Variants in OVGP1 observed in about 807,000 individuals in gnomAD.
The protein encoded by OVGP1 is oviduct-specific glycoprotein.
Under a neutral mutation model 48.2 loss-of-function variants are expected in OVGP1, and 26 were observed. The observed-to-expected ratio is 0.54, with a 90% CI of 0.40 to 0.75. The LOEUF is 0.75. Among genes scored for constraint, OVGP1 ranks in the 30% least tolerant of loss-of-function variants. OVGP1 has a pLI of 0.00. For synonymous variants in OVGP1, 294 were observed against 305.7 expected (o/e 0.96, Z 0.40); for missense variants, 791 against 820.6 (o/e 0.96, Z 0.44).
intron 3 of OVGP1, 157 bp from the exon 4 acceptor site, chr1:111,425,596 G>A: frequency 7.4e-7 from 1 of 1,344,944 alleles, no homozygotes; most frequent in Non-Finnish European, 1.0e-6. Context: ...GGAGAGAGAT[G>A]ATGAGCACAG....
Position 111,415,033 on chromosome 1 carries a change from C to A in OVGP1, c.1468G>T (p.Gly490Ter). 1.2e-6 allele frequency: 2 copies of A among 1,613,872 alleles called. No individual in the cohort carries two copies. Among genetic ancestry groups the A allele is most frequent in the Non-Finnish European group, 1.7e-6 (2 of 1,179,754 alleles). Residue 490 changes from glycine to a stop codon, truncating the protein, a stop_gained, in exon 11 of 11, where the codon GGA becomes TGA. Coordinates refer to ENST00000369732, the MANE Select transcript of OVGP1 (RefSeq NM_002557.4). LOFTEE classifies it low-confidence loss of function (END_TRUNC). ...TSVGHQSMTPGEKALTPVGHQ... is the reference protein window; with the variant it reads ...TSVGHQSMTP Reference sequence around the variant, plus strand: ...CCCACAGGGGTCAGGGCCTTCTCTCCAGGGGTCATGGACTGATGACCCACA... The same window carrying A: ...CCCACAGGGGTCAGGGCCTTCTCTCAAGGGGTCATGGACTGATGACCCACA...
intron 9 of OVGP1, among the ~76,000 whole-genome samples, chr1:111,418,698 T>G (rs946034266): frequency 6.6e-6 from 1 of 152,254 alleles, no homozygotes; most frequent in Non-Finnish European, 1.5e-5. Context: ...TATCTCATGC[T>G]TGGACACCTC....
rs944589752 is a variant in OVGP1 at position 111,414,411 on chromosome 1, G to A, written c.*53C>T. On this transcript the variant is annotated 3_prime_UTR_variant, in exon 11 of 11. Coordinates refer to ENST00000369732, the MANE Select transcript of OVGP1 (RefSeq NM_002557.4). ...CCCGGGATGAGAAGGCTTCCAACAT[G>A]TCACTTAGAAGAAAAGACAAGGGTT... 5 of 1,496,434 alleles carry A rather than the reference G, an allele frequency of 3.3e-6. No individual in the cohort carries two copies. The highest frequency in any genetic ancestry group is 4.5e-6 in the Non-Finnish European group (5 of 1,108,528). The allele number at this position is 1,496,434 out of a possible 1,614,324, so 92.7% of individuals were successfully genotyped here. A position where few individuals can be genotyped will look rare whatever the true frequency, so the allele number is the denominator to read the frequency against.
intron 5 of OVGP1, 90 bp downstream of exon 5, chr1:111,423,453 G>T: frequency 7.3e-7 from 1 of 1,360,926 alleles, no homozygotes; most frequent in Non-Finnish European, 1.0e-6. Flanking sequence ...TCTGCCCCTG[G>T]CCCTGGACTT....
chr1:111,415,206 AC>A lies in OVGP1; in HGVS notation c.1294del (p.Val432SerfsTer11). The A allele has an allele frequency of 1.2e-6, 2 of 1,614,068 alleles. No individual in the cohort carries two copies. The highest frequency in any genetic ancestry group is 1.7e-6 in the Non-Finnish European group (2 of 1,180,008). On this transcript the variant is annotated frameshift_variant, in exon 11 of 11. Coordinates refer to ENST00000369732, the MANE Select transcript of OVGP1 (RefSeq NM_002557.4). LOFTEE classifies it low-confidence loss of function (END_TRUNC). ...TTCACACTTTCCGTGGATCTCAGTG[AC>A]CCCAGCCTCTCCTCCTGGGGGCAAA... Reference protein sequence around the residue: ...KILPPGGEAGVTEIHGKCENM... With the variant: ...KILPPGGEAGXTEIHGKCENM...
intron 4 of OVGP1, 152 bp from the exon 5 acceptor site, chr1:111,423,860 T>G: frequency 1.4e-6 from 1 of 697,172 alleles, no homozygotes; most frequent in East Asian, 2.7e-5. Context: ...CACCTTCTTA[T>G]ATGCCTCTCC....
intron 9 of OVGP1, among the ~76,000 whole-genome samples, chr1:111,417,189 T>A (rs1333275836): frequency 6.6e-6 from 1 of 152,272 alleles, no homozygotes; most frequent in Non-Finnish European, 1.5e-5. Flanking sequence ...ACCTCATTAA[T>A]CACCATTATT....
In OVGP1 at chr1:111,414,902, G is replaced by GCTCACA. The variant is rs776545457; in HGVS notation, c.1598_1599insTGTGAG (p.Thr533_Pro534insValSer). Reference sequence around the variant, plus strand: ...GGCTCACAGACTGATGACTCACAGGGGTCACAGACTGATGACCCACAGGGG... The same window carrying GCTCACA: ...GGCTCACAGACTGATGACTCACAGGGCTCACAGTCACAGACTGATGACCCACAGGGG... On this transcript the variant is annotated inframe_insertion, in exon 11 of 11. Coordinates refer to ENST00000369732, the MANE Select transcript of OVGP1 (RefSeq NM_002557.4). 7 of 754,654 alleles carry GCTCACA rather than the reference G, an allele frequency of 9.3e-6. No individual in the cohort carries two copies. In the African/African-American group the frequency reaches 2.2e-4, roughly 24 times the overall value. The allele number at this position is 754,654 out of a possible 1,614,324, so 46.7% of individuals were successfully genotyped here. A position where few individuals can be genotyped will look rare whatever the true frequency, so the allele number is the denominator to read the frequency against.
chr1:111,414,823 T>A lies in OVGP1; in HGVS notation c.1678A>T (p.Asn560Tyr), dbSNP rs766008241. 6.3e-7 allele frequency: 1 copy of A among 1,596,238 alleles called. No homozygotes were observed. Among genetic ancestry groups the A allele is most frequent in the Non-Finnish European group, 8.6e-7 (1 of 1,168,554 alleles). The stretch of plus-strand genomic sequence containing the variant: ...GCCTTCCTTCTAGGGGCCACTGTAT[T>A]CTGTCTAAGGGTCTCAGTCTGAAAA... ...VHFQTETLRQ[N>Y]TVAPRRKAVA... The change falls in exon 11 of 11, where the codon AAT becomes TAT. Residue 560 changes from asparagine (N) to tyrosine (Y), a missense_variant. Physicochemically the swap from Asn to Tyr is moderately radical, Grantham distance 143. Transcript: ENST00000369732.
chr1:111,415,179 T>C lies in OVGP1; in HGVS notation c.1322A>G (p.Asn441Ser). Reference protein sequence around the residue: ...GVTEIHGKCENMTITPRGTTV... With the variant: ...GVTEIHGKCESMTITPRGTTV... Reference sequence around the variant, plus strand: ...TGTACCTCTAGGGGTTATAGTCATATTTTCACACTTTCCGTGGATCTCAGT... The same window carrying C: ...TGTACCTCTAGGGGTTATAGTCATACTTTCACACTTTCCGTGGATCTCAGT... The change falls in exon 11 of 11, where the codon AAT (asparagine) becomes AGT (serine). Residue 441 changes from asparagine to serine, a missense_variant. Asn to Ser is a conservative substitution (Grantham distance 46). Coordinates refer to ENST00000369732, the MANE Select transcript of OVGP1 (RefSeq NM_002557.4). 6.2e-7 allele frequency: 1 copy of C among 1,614,172 alleles called. No homozygotes were observed. The highest frequency in any genetic ancestry group is 2.2e-5 in the East Asian group (1 of 44,878).
chr1:111,421,243 T>TA, intron 8 of OVGP1, 33 bp downstream of exon 8: 1 of 1,558,910 alleles, frequency 6.4e-7, no homozygotes, highest in Non-Finnish European at 8.7e-7. Flanking sequence ...GGGAGAGTCC[T>TA]AACTGCTAGA....
Position 111,416,453 on chromosome 1 carries a change from C to G in OVGP1, c.1026G>C (p.Trp342Cys). Reference sequence around the variant, plus strand: ...CCCCAAAATGCTCTCGCCTTATAAACCATGCCTGTAAAAGTAACAGTCAGT... The same window carrying G: ...CCCCAAAATGCTCTCGCCTTATAAAGCATGCCTGTAAAAGTAACAGTCAGT... ...DNAISFSYKAWFIRREHFGGA... is the reference protein window; with the variant it reads ...DNAISFSYKACFIRREHFGGA... Residue 342 changes from tryptophan (W) to cysteine (C), a missense_variant, in exon 10 of 11, where the codon TGG (tryptophan) becomes TGC (cysteine). By Grantham distance (215) the Trp-to-Cys change is radical. Transcript: ENST00000369732. 1 of 1,602,850 alleles carries G rather than the reference C, an allele frequency of 6.2e-7. No individual in the cohort carries two copies. The highest frequency in any genetic ancestry group is 8.5e-7 in the Non-Finnish European group (1 of 1,174,356).
chr1:111,418,407 A>G (rs147418638), intron 9 of OVGP1, among the ~76,000 whole-genome samples: 4 of 152,250 alleles, frequency 2.6e-5, no homozygotes, highest in African/African-American at 9.6e-5. Flanking sequence ...CAGAGGGGAG[A>G]AGCCATGCTT....
chr1:111,426,068 G>A (rs1047781160), intron 3 of OVGP1, among the ~76,000 whole-genome samples: 6 of 152,140 alleles, frequency 3.9e-5, no homozygotes, highest in African/African-American at 1.2e-4. Flanking sequence ...GTAGCTCACC[G>A]GTAACAAACG....
At chr1:111,420,537 A>ACT (rs1488077918) in intron 8 of OVGP1, among the ~76,000 whole-genome samples, 1 of 152,174 alleles carries the variant, frequency 6.6e-6, no homozygotes, top group Non-Finnish European at 1.5e-5. Context: ...TCTACCTGGG[A>ACT]AGTCCTTCCC....
intron 8 of OVGP1, among the ~76,000 whole-genome samples, chr1:111,420,320 T>C (rs927553059): frequency 6.6e-6 from 1 of 152,224 alleles, no homozygotes; most frequent in African/African-American, 2.4e-5. Context: ...GCCATTCCTT[T>C]TCTCCTTTGG....
chr1:111,415,213 C>G lies in OVGP1; in HGVS notation c.1288G>C (p.Ala430Pro). 2 of 1,614,192 alleles carry G rather than the reference C, an allele frequency of 1.2e-6. No individual in the cohort carries two copies. The highest frequency in any genetic ancestry group is 2.2e-5 in the South Asian group (2 of 91,084). ...DSKILPPGGE[A>P]GVTEIHGKCE... The stretch of plus-strand genomic sequence containing the variant: ...TTTCCGTGGATCTCAGTGACCCCAG[C>G]CTCTCCTCCTGGGGGCAAAATCTTA... The change falls in exon 11 of 11, where the codon GCT becomes CCT. Residue 430 changes from alanine (A) to proline (P), a missense_variant. By Grantham distance (27) the Ala-to-Pro change is conservative. Transcript: ENST00000369732.
intron 5 of OVGP1, 61 bp from the exon 6 acceptor site, chr1:111,423,112 G>A: frequency 1.2e-6 from 2 of 1,604,126 alleles, no homozygotes; most frequent in Non-Finnish European, 1.7e-6. Flanking sequence ...GGCCTGGGGG[G>A]AGTGTCATCT....
chr1:111,420,210 A>C (rs1168462927), intron 8 of OVGP1, among the ~76,000 whole-genome samples: 5 of 152,320 alleles, frequency 3.3e-5, no homozygotes, highest in Non-Finnish European at 7.4e-5. Flanking sequence ...ATAAATAATT[A>C]AGCATTTGAG....
Sources: gnomAD v4.1 joint callset for allele counts (sites outside exome capture counted in the v4.1 genomes callset) on GRCh38, gnomAD v4.1.1 for gene constraint, MANE v1.5 for transcripts, NCBI Gene and HGNC (gene_info 2026-07-23, HGNC 2026-07-21) for gene names.